The following CHD7 variants were observed in gnomAD, a reference collection of about 807,000 sequenced individuals.
CHD7 encodes the protein ATP-dependent chromatin remodeler CHD7.
In CHD7, 24 loss-of-function variants were observed where a neutral mutation model predicts 307.3. The ratio of observed to expected loss-of-function variants is 0.08; its 90% confidence interval spans 0.06 to 0.11. The LOEUF (loss-of-function observed/expected upper bound fraction) is 0.11. Ranked by LOEUF, CHD7 falls within the 10% of genes least tolerant of loss-of-function variation. CHD7 has a pLI of 1.00. For missense variants in CHD7, 3,106 were observed against 3,727.1 expected (o/e 0.83, Z 4.34); for synonymous variants, 1,363 against 1,349.9 (o/e 1.01, Z -0.21).
chr8:60,812,189 G>A (rs1394584605), intron 7 of CHD7, among the ~76,000 whole-genome samples: 1 of 152,072 alleles, frequency 6.6e-6, no homozygotes. Context: ...TCTAGCTTTA[G>A]TGTCATAGCT....
intron 1 of CHD7, among the ~76,000 whole-genome samples, chr8:60,695,028 G>A (rs993066872): frequency 3.3e-5 from 5 of 152,146 alleles, no homozygotes; most frequent in African/African-American, 4.8e-5. Context: ...GGGGAAAATG[G>A]ACTGAGAGAG....
In CHD7 at chr8:60,830,595, G is replaced by A. The variant is rs749741616; in HGVS notation, c.3778+18G>A. On this transcript the variant is annotated intron_variant, in intron 15 of 37. Transcript: ENST00000423902. ...TATCAATGGTAAGGCTGCCCTGCTCGCGAACTTGCTTAAGTGACGATTGAA... is the reference window on the plus strand; with the variant it reads ...TATCAATGGTAAGGCTGCCCTGCTCACGAACTTGCTTAAGTGACGATTGAA... 1.1e-5 allele frequency: 18 copies of A among 1,607,094 alleles called. No individual in the cohort carries two copies. Among genetic ancestry groups the A allele is most frequent in the Non-Finnish European group, 1.4e-5 (16 of 1,175,120 alleles).
intron 9 of CHD7, among the ~76,000 whole-genome samples, chr8:60,820,895 A>T (rs1481185565): frequency 1.3e-5 from 2 of 152,188 alleles, no homozygotes; most frequent in African/African-American, 4.8e-5. Context: ...GTTTCATAGC[A>T]TATTTACATT....
chr8:60,755,172 G>A (rs932518977), intron 2 of CHD7, among the ~76,000 whole-genome samples: 1 of 152,034 alleles, frequency 6.6e-6, no homozygotes, highest in Non-Finnish European at 1.5e-5. Context: ...AACTTCATAG[G>A]TTTTAAAGTG....
chr8:60,778,663 T>C (rs1363889502), intron 2 of CHD7, among the ~76,000 whole-genome samples: 6 of 152,240 alleles, frequency 3.9e-5, no homozygotes, highest in African/African-American at 1.4e-4. Context: ...CTTTCCTCTT[T>C]TCCTCTCTTT....
chr8:60,711,276 C>T (rs1022563700), intron 1 of CHD7, among the ~76,000 whole-genome samples: 4 of 152,174 alleles, frequency 2.6e-5, no homozygotes, highest in Non-Finnish European at 4.4e-5. Context: ...AGTGATAACT[C>T]CTGGGGAAAG....
chr8:60,838,260 G>C lies in CHD7; in HGVS notation c.4533+5G>C. On this transcript the variant is annotated splice_donor_5th_base_variant and intron_variant, in intron 19 of 37. Transcript: ENST00000423902. The stretch of plus-strand genomic sequence containing the variant: ...AAAGGTTCCACATTTGCTAAGGTGT[G>C]AATCGATCTAAAGAGGCCAGGTTTT... 6.3e-7 allele frequency: 1 copy of C among 1,598,240 alleles called. No homozygotes were observed. The highest frequency in any genetic ancestry group is 1.1e-5 in the South Asian group (1 of 87,906).
chr8:60,738,917 G>A (rs1247027440), intron 1 of CHD7, among the ~76,000 whole-genome samples: 1 of 152,216 alleles, frequency 6.6e-6, no homozygotes, highest in Admixed American at 6.5e-5. Flanking sequence ...GAGGAGCACA[G>A]CCAAGGATCA....
chr8:60,745,657 T>C (rs1809284585), intron 2 of CHD7, among the ~76,000 whole-genome samples: 1 of 152,240 alleles, frequency 6.6e-6, no homozygotes, highest in East Asian at 1.9e-4. Context: ...TGCTTAACTT[T>C]GCATCCTCTT....
chr8:60,772,288 C>G (rs1810748804), intron 2 of CHD7, among the ~76,000 whole-genome samples: 1 of 152,122 alleles, frequency 6.6e-6, no homozygotes, highest in African/African-American at 2.4e-5. Flanking sequence ...TGGGATTGTT[C>G]AGTGTTGCAG....
chr8:60,754,688 A>T (rs1054116117), intron 2 of CHD7, among the ~76,000 whole-genome samples: 1 of 152,230 alleles, frequency 6.6e-6, no homozygotes, highest in African/African-American at 2.4e-5. Context: ...ATTACTGTAT[A>T]TAAAATACTA....
At chr8:60,772,560 G>A (rs1288590799) in intron 2 of CHD7, among the ~76,000 whole-genome samples, 1 of 152,192 alleles carries the variant, frequency 6.6e-6, no homozygotes, top group Non-Finnish European at 1.5e-5. Context: ...AGCTTCAGGT[G>A]TGGGTGTCCA....
At chr8:60,795,179 T>G in intron 4 of CHD7, 52 bp downstream of exon 4, 2 of 1,581,104 alleles carry the variant, frequency 1.3e-6, no homozygotes, top group Non-Finnish European at 1.7e-6. Context: ...ATGGGTAACT[T>G]TAGCCATGTA....
chr8:60,777,036 C>T (rs1260234593), intron 2 of CHD7, among the ~76,000 whole-genome samples: 1 of 152,158 alleles, frequency 6.6e-6, no homozygotes, highest in Non-Finnish European at 1.5e-5. Flanking sequence ...ATTGGCCTGC[C>T]TCTTCTTCAC....
chr8:60,767,347 T>C (rs576290457), intron 2 of CHD7, among the ~76,000 whole-genome samples: 1 of 152,300 alleles, frequency 6.6e-6, no homozygotes, highest in African/African-American at 2.4e-5. Context: ...TAGAAGGATG[T>C]GCAGCAGGAA....
At chr8:60,788,373 TC>T (rs1185886173) in intron 3 of CHD7, among the ~76,000 whole-genome samples, 1 of 152,212 alleles carries the variant, frequency 6.6e-6, no homozygotes, top group Admixed American at 6.5e-5. Context: ...ACTCCTGGCC[TC>T]AAGCGGTCCA....
At chr8:60,797,535 T>C (rs1009296637) in intron 4 of CHD7, among the ~76,000 whole-genome samples, 1 of 152,232 alleles carries the variant, frequency 6.6e-6, no homozygotes, top group Admixed American at 6.5e-5. Context: ...GGATTTGTCT[T>C]AGACCCTATC....
chr8:60,802,143 A>G (rs987286237), intron 6 of CHD7, among the ~76,000 whole-genome samples: 7 of 152,216 alleles, frequency 4.6e-5, no homozygotes, highest in Non-Finnish European at 8.8e-5. Context: ...GAGTTATTCA[A>G]AGTTTCTGTT....
chr8:60,811,734 T>A (rs1171904414), intron 7 of CHD7, among the ~76,000 whole-genome samples: 2 of 152,238 alleles, frequency 1.3e-5, no homozygotes, highest in African/African-American at 4.8e-5. Context: ...CAAACATGTA[T>A]GTATTTTTAA....
Sources: allele counts gnomAD v4.1 joint callset (sites outside exome capture counted in the v4.1 genomes callset), GRCh38; gene constraint gnomAD v4.1.1; transcripts MANE v1.5; gene names NCBI Gene and HGNC (gene_info 2026-07-23, HGNC 2026-07-21).